Variants in HMGCLL1 observed in about 807,000 individuals in gnomAD.
HMGCLL1 encodes the protein 3-hydroxy-3-methylglutaryl-CoA lyase like 1.
A neutral mutation model predicts 39.1 loss-of-function variants in HMGCLL1; 36 were observed. The observed-to-expected ratio is 0.92, with a 90% CI of 0.71 to 1.22. The LOEUF is 1.22. Ranked by LOEUF, HMGCLL1 falls within the 50% of genes most tolerant of loss-of-function variation. The probability of loss-of-function intolerance (pLI) is 0.00; values close to 1 mark genes in which losing one functional copy is unlikely to be tolerated. For synonymous variants in HMGCLL1, 149 were observed against 144.0 expected, an observed-to-expected ratio of 1.03 and a Z score of -0.25; for missense variants, 451 against 416.5, an observed-to-expected ratio of 1.08 and a Z score of -0.72.
At chr6:55,469,899 T>A (rs1351329691) in intron 7 of HMGCLL1, among the ~76,000 whole-genome samples, 1 of 151,908 alleles carries the variant, frequency 6.6e-6, no homozygotes, top group Non-Finnish European at 1.5e-5. Flanking sequence ...TGTCCCTTTT[T>A]CAGAAGCACC....
the HMGCLL1 span, among the ~76,000 whole-genome samples, chr6:55,625,308 A>G: frequency 1.1e-4 from 16 of 152,106 alleles, no homozygotes; most frequent in South Asian, 2.1e-4. Flanking sequence ...GCAGCATTCC[A>G]TCATCGAATG....
At chr6:55,561,510 T>G (rs1241654064) in intron 1 of HMGCLL1, among the ~76,000 whole-genome samples, 1 of 152,134 alleles carries the variant, frequency 6.6e-6, no homozygotes, top group East Asian at 1.9e-4. Flanking sequence ...CTCCAGAGAT[T>G]ATAATTCATT....
the HMGCLL1 span, among the ~76,000 whole-genome samples, chr6:55,673,881 A>G: frequency 6.6e-6 from 1 of 151,886 alleles, no homozygotes; most frequent in Non-Finnish European, 1.5e-5. Flanking sequence ...TTACTATTTT[A>G]TAGATTGAGA....
chr6:55,557,410 C>A lies in HMGCLL1; in HGVS notation c.109-15270G>T, dbSNP rs143105531. The stretch of plus-strand genomic sequence containing the variant: ...CCTGGGCAGTGCTTGCCATCAGCAA[C>A]CCCAGCTCTGCTCTCAGCCATATCT... On this transcript the variant is annotated intron_variant, in intron 1 of 8. Coordinates refer to ENST00000274901, the MANE Select transcript of HMGCLL1 (RefSeq NM_001042406.2). Among the ~76,000 whole-genome samples the A allele has an allele frequency of 8.4e-4, 128 of 152,194 alleles. 2 individuals are homozygous for A. In the East Asian group the frequency reaches 0.022, roughly 27 times the overall value.
In HMGCLL1 at chr6:55,551,888, A is replaced by G. The variant is rs531964816; in HGVS notation, c.109-9748T>C. Among the ~76,000 whole-genome samples, 13 of 152,128 alleles carry G rather than the reference A, an allele frequency of 8.5e-5. 1 individual carries two copies. The South Asian group carries it at 2.7e-3, about 32-fold the overall frequency. ...GCATTAAAATTCCAATTTGCTTGGG[A>G]CAGACAACAGCAGATTTTATAGAAT... On this transcript the variant is annotated intron_variant, in intron 1 of 8. Transcript: ENST00000274901.
At chr6:55,473,752 T>C (rs1765154498) in intron 7 of HMGCLL1, among the ~76,000 whole-genome samples, 1 of 151,540 alleles carries the variant, frequency 6.6e-6, no homozygotes, top group Non-Finnish European at 1.5e-5. Context: ...AGTATCCTTC[T>C]TTGTGAAGAC....
the HMGCLL1 span, among the ~76,000 whole-genome samples, chr6:55,609,855 C>T: frequency 2.0e-5 from 3 of 152,122 alleles, no homozygotes; most frequent in Non-Finnish European, 4.4e-5. Flanking sequence ...CTCTAGCCTC[C>T]TTAAGTGACA....
At chr6:55,645,751 T>G in the HMGCLL1 span, among the ~76,000 whole-genome samples, 2 of 152,112 alleles carry the variant, frequency 1.3e-5, no homozygotes, top group African/African-American at 4.8e-5. Flanking sequence ...TAAATCCCAT[T>G]TGGTAATGAA....
At chr6:55,459,626 T>A (rs1020535917) in intron 7 of HMGCLL1, among the ~76,000 whole-genome samples, 1 of 152,106 alleles carries the variant, frequency 6.6e-6, no homozygotes, top group Non-Finnish European at 1.5e-5. Context: ...TAATAACGAT[T>A]TATTAAAATG....
the HMGCLL1 span, among the ~76,000 whole-genome samples, chr6:55,666,952 T>A: frequency 6.6e-6 from 1 of 151,286 alleles, no homozygotes; most frequent in Non-Finnish European, 1.5e-5. Context: ...TTTTCAAAAG[T>A]TTGGGCTCCT....
chr6:55,493,878 G>A (rs1204979793), intron 7 of HMGCLL1, among the ~76,000 whole-genome samples: 4 of 151,792 alleles, frequency 2.6e-5, no homozygotes, highest in African/African-American at 4.8e-5. Context: ...GACTACAGGC[G>A]CCCACCACCA....
At chr6:55,453,323 C>T (rs1295047958) in intron 7 of HMGCLL1, among the ~76,000 whole-genome samples, 1 of 152,166 alleles carries the variant, frequency 6.6e-6, no homozygotes, top group African/African-American at 2.4e-5. Context: ...GGACTACAGG[C>T]GCCCGCCACC....
At chr6:55,607,733 G>T in the HMGCLL1 span, among the ~76,000 whole-genome samples, 1 of 152,014 alleles carries the variant, frequency 6.6e-6, no homozygotes, top group African/African-American at 2.4e-5. Flanking sequence ...CCTTTCCCAG[G>T]TGTTGATCCC....
chr6:55,567,345 TTAGA>T (rs1771268134), intron 1 of HMGCLL1, among the ~76,000 whole-genome samples: 1 of 152,040 alleles, frequency 6.6e-6, no homozygotes. Context: ...AAGTGATAGA[TTAGA>T]TAGATGGATG....
chr6:55,585,673 G>T, the HMGCLL1 span, among the ~76,000 whole-genome samples: 2 of 151,844 alleles, frequency 1.3e-5, no homozygotes, highest in Non-Finnish European at 2.9e-5. Context: ...GCTTTCTTTT[G>T]CCTTTATTGA....
chr6:55,455,574 A>G (rs892045395), intron 7 of HMGCLL1, among the ~76,000 whole-genome samples: 3 of 152,230 alleles, frequency 2.0e-5, no homozygotes, highest in Non-Finnish European at 4.4e-5. Context: ...GCCTTGGAAA[A>G]GGCTGAGAGA....
intron 5 of HMGCLL1, among the ~76,000 whole-genome samples, chr6:55,508,863 GGTAT>G (rs1767299303): frequency 6.6e-6 from 1 of 151,280 alleles, no homozygotes; most frequent in Non-Finnish European, 1.5e-5. Flanking sequence ...TTCTTGCCCA[GGTAT>G]GGCAAGGTAT....
chr6:55,656,221 A>G, the HMGCLL1 span, among the ~76,000 whole-genome samples: 2 of 151,946 alleles, frequency 1.3e-5, no homozygotes, highest in African/African-American at 4.8e-5. Context: ...TTCACAAGTC[A>G]GAAATCTAGA....
the HMGCLL1 span, among the ~76,000 whole-genome samples, chr6:55,615,685 C>A: frequency 4.3e-4 from 66 of 152,048 alleles, no homozygotes; most frequent in Non-Finnish European, 7.8e-4. Context: ...CTGGTAGGCC[C>A]TGCCTTAAAG....
Sources: gnomAD v4.1 joint callset for allele counts (sites outside exome capture counted in the v4.1 genomes callset) on GRCh38, gnomAD v4.1.1 for gene constraint, MANE v1.5 for transcripts, NCBI Gene and HGNC (gene_info 2026-07-23, HGNC 2026-07-21) for gene names.